LMX1B: variants seen among roughly 807,000 people sequenced by gnomAD.
LMX1B encodes LIM homeobox transcription factor 1-beta.
In LMX1B, 12 loss-of-function variants were observed where a neutral mutation model predicts 51.4. The ratio of observed to expected loss-of-function variants is 0.23; its 90% CI spans 0.15 to 0.38. LMX1B has a LOEUF of 0.38. LMX1B is among the 10% of genes least tolerant of loss of function. The probability of loss-of-function intolerance (pLI) is 1.00; values close to 1 mark genes in which losing one functional copy is unlikely to be tolerated. For synonymous variants in LMX1B, 237 were observed against 235.4 expected (o/e 1.01, Z -0.06); for missense variants, 445 against 571.1 (o/e 0.78, Z 2.25).
Position 126,617,893 on chromosome 9 carries a change from G to A in LMX1B, c.326+2324G>A, listed in dbSNP as rs562615285. ...ATTAGGTATCTGCGTTAGGCCGGCC[G>A]GCAGGATGTGCTGGGGGTGGGGGGT... On this transcript the variant is annotated intron_variant, in intron 2 of 7. Transcript: ENST00000373474. Among the ~76,000 whole-genome samples, 12 of 116,142 alleles carry A rather than the reference G, an allele frequency of 1.0e-4. No homozygotes were observed. In the South Asian group the frequency reaches 2.9e-3, roughly 28 times the overall value. The allele number at this position is 116,142 out of a possible 152,430, so 76.2% of individuals were successfully genotyped here.
At chr9:126,637,378 T>C (rs925200688) in intron 2 of LMX1B, among the ~76,000 whole-genome samples, 1 of 151,818 alleles carries the variant, frequency 6.6e-6, no homozygotes, top group Non-Finnish European at 1.5e-5. Flanking sequence ...TGCCTGTGGC[T>C]GAGGGTGCCC....
chr9:126,646,943 A>G (rs1835913773), intron 2 of LMX1B, among the ~76,000 whole-genome samples: 1 of 152,238 alleles, frequency 6.6e-6, no homozygotes, highest in African/African-American at 2.4e-5. Context: ...TTAAGGTTCA[A>G]GGGGTCGTTA....
At chr9:126,620,617 G>T (rs949531024) in intron 2 of LMX1B, among the ~76,000 whole-genome samples, 3 of 151,960 alleles carry the variant, frequency 2.0e-5, no homozygotes, top group Non-Finnish European at 4.4e-5. Flanking sequence ...AGACGGGTGT[G>T]CTGTGCTCTT....
chr9:126,672,344 T>C (rs1836474076), intron 2 of LMX1B, among the ~76,000 whole-genome samples: 1 of 152,230 alleles, frequency 6.6e-6, no homozygotes, highest in African/African-American at 2.4e-5. Context: ...TCACAGGCTC[T>C]AGGTGAAGCA....
rs1835290141 is a variant in LMX1B, at chr9:126,615,661, C to T, written c.326+92C>T. ...GCCCGGCCCGCGCCCGCTCTGCCGC[C>T]GGCTCTGTGCGCGGCTGGGCCGGGC... On this transcript the variant is annotated intron_variant, in intron 2 of 7. Transcript: ENST00000373474. This position sits in a 1 kb window ranked among gnomAD's most constrained non-coding sequence, Gnocchi z 6.0. 1.7e-5 allele frequency: 20 copies of T among 1,207,372 alleles called. No individual in the cohort carries two copies. The highest frequency in any genetic ancestry group is 4.1e-4 in the Middle Eastern group (2 of 4,926). The allele number at this position is 1,207,372 out of a possible 1,614,324, so 74.8% of individuals were successfully genotyped here.
At chr9:126,654,518 A>C (rs1836077055) in intron 2 of LMX1B, among the ~76,000 whole-genome samples, 1 of 152,234 alleles carries the variant, frequency 6.6e-6, no homozygotes. Flanking sequence ...TTGGCCTGGC[A>C]TGCCCACTTA....
chr9:126,692,023 G>A (rs1564169160), intron 3 of LMX1B, among the ~76,000 whole-genome samples: 1 of 152,228 alleles, frequency 6.6e-6, no homozygotes, highest in Non-Finnish European at 1.5e-5. Context: ...GGAAGGACTG[G>A]AGCAGGAGGC....
chr9:126,651,778 G>T (rs980880158), intron 2 of LMX1B, among the ~76,000 whole-genome samples: 36 of 152,156 alleles, frequency 2.4e-4, no homozygotes, highest in Admixed American at 2.4e-3. Flanking sequence ...GCATCTCTGA[G>T]ATGAGGATCC....
chr9:126,688,172 A>C (rs187355949), intron 2 of LMX1B, among the ~76,000 whole-genome samples: 1 of 152,230 alleles, frequency 6.6e-6, no homozygotes, highest in Non-Finnish European at 1.5e-5. Flanking sequence ...TAATGGCGGC[A>C]CTGAGCCTTT....
chr9:126,670,582 A>G (rs1362892538), intron 2 of LMX1B, among the ~76,000 whole-genome samples: 1 of 152,196 alleles, frequency 6.6e-6, no homozygotes, highest in Non-Finnish European at 1.5e-5. Flanking sequence ...GTATGCACAC[A>G]TTGTCAACAT....
intron 2 of LMX1B, among the ~76,000 whole-genome samples, chr9:126,682,908 A>AAAAAAT (rs1243705985): frequency 6.6e-6 from 1 of 150,460 alleles, no homozygotes. Context: ...AAAAAAAAAA[A>AAAAAAT]AAAAAAAGAA....
intron 2 of LMX1B, among the ~76,000 whole-genome samples, chr9:126,665,998 C>G (rs989608042): frequency 6.6e-6 from 1 of 152,272 alleles, no homozygotes; most frequent in Non-Finnish European, 1.5e-5. Flanking sequence ...CCTCTCATCA[C>G]AGCTCCTACG....
rs763653975 is a variant in LMX1B at position 126,658,995 on chromosome 9, G to A, written c.327-31841G>A. Among the ~76,000 whole-genome samples, 8 of 152,210 alleles carry A rather than the reference G, an allele frequency of 5.3e-5. No homozygotes were observed. Among genetic ancestry groups the A allele is most frequent in the Non-Finnish European group, 1.2e-4 (8 of 68,036 alleles). On this transcript the variant is annotated intron_variant, in intron 2 of 7. Transcript: ENST00000373474. The surrounding 1 kb of genome is among the most constrained non-coding windows in gnomAD (Gnocchi z 4.0). The stretch of plus-strand genomic sequence containing the variant: ...CAGGGTGGGAGGGACCCTTCAGGGG[G>A]CTGAGAGGCGGGTGTTCTGGGGCTG...
intron 2 of LMX1B, among the ~76,000 whole-genome samples, chr9:126,630,840 C>T (rs1835619176): frequency 6.6e-6 from 1 of 152,250 alleles, no homozygotes; most frequent in Admixed American, 6.5e-5. Flanking sequence ...TGGATGGGAG[C>T]GTGGCCAGCC....
At chr9:126,661,229 G>T in intron 2 of LMX1B, among the ~76,000 whole-genome samples, 1 of 125,266 alleles carries the variant, frequency 8.0e-6, no homozygotes, top group Non-Finnish European at 1.8e-5. Flanking sequence ...TCAGGCCAGC[G>T]TGGACGCCCC....
chr9:126,684,467 AG>A (rs1029795032), intron 2 of LMX1B, among the ~76,000 whole-genome samples: 44 of 152,278 alleles, frequency 2.9e-4, no homozygotes, highest in African/African-American at 1.1e-3. Flanking sequence ...CTCAATTACC[AG>A]GGAGGGACAG....
At chr9:126,689,297 G>A (rs916162890) in intron 2 of LMX1B, among the ~76,000 whole-genome samples, 6 of 152,186 alleles carry the variant, frequency 3.9e-5, no homozygotes, top group South Asian at 2.1e-4. Flanking sequence ...CGCCGTGGGC[G>A]GTTCTGACGG....
intron 2 of LMX1B, among the ~76,000 whole-genome samples, chr9:126,652,891 G>T (rs1001009292): frequency 3.3e-5 from 5 of 152,184 alleles, no homozygotes; most frequent in Admixed American, 1.3e-4. Context: ...GCCCCAGCGG[G>T]TGTTGATGGA....
intron 2 of LMX1B, among the ~76,000 whole-genome samples, chr9:126,683,538 T>A (rs1836716577): frequency 6.6e-6 from 1 of 152,116 alleles, no homozygotes. Context: ...CCAGAGTGTC[T>A]AGGGTCCTGT....
Sources: gnomAD v4.1 joint callset for allele counts (sites outside exome capture counted in the v4.1 genomes callset) on GRCh38, gnomAD v4.1.1 for gene constraint, Gnocchi (gnomAD v3.1) non-coding constraint, MANE v1.5 for transcripts, NCBI Gene and HGNC (gene_info 2026-07-23, HGNC 2026-07-21) for gene names.